Variants in DCC observed in about 807,000 individuals in gnomAD.
DCC encodes the protein netrin receptor DCC.
A neutral mutation model predicts 172.5 loss-of-function variants in DCC; 58 were observed. That is an observed-to-expected ratio of 0.34 (90% confidence interval 0.27 to 0.42). The LOEUF (loss-of-function observed/expected upper bound fraction) is 0.42, where lower values mean the gene tolerates loss of function less well. DCC is among the 10% of genes least tolerant of loss of function. The pLI, the probability that DCC is intolerant of heterozygous loss-of-function variation, is 1.00. For missense variants in DCC, 1,740 were observed against 1,791.0 expected (o/e 0.97, Z 0.51); for synonymous variants, 709 against 644.5 (o/e 1.10, Z -1.52).
chr18:52,754,090 G>T (rs2037039993), intron 2 of DCC: 1 of 152,110 alleles, frequency 6.6e-6, no homozygotes, highest in African/African-American at 2.4e-5. Context: ...GTCCTACTTA[G>T]TCTAGTCTCA....
intron 1 of DCC, among the ~76,000 whole-genome samples, chr18:52,363,596 T>C (rs1984714040): frequency 1.3e-5 from 2 of 152,166 alleles, no homozygotes; most frequent in Admixed American, 1.3e-4. Flanking sequence ...GAGCAGGGGA[T>C]GTTATAGCCC....
chr18:53,111,635 GA>G (rs955567271), intron 7 of DCC, among the ~76,000 whole-genome samples: 10 of 151,280 alleles, frequency 6.6e-5, no homozygotes, highest in Middle Eastern at 3.4e-3. Context: ...AAAAGAGGAA[GA>G]AAAAAAATTA....
At chr18:52,356,006 G>A (rs1984346330) in intron 1 of DCC, among the ~76,000 whole-genome samples, 1 of 152,112 alleles carries the variant, frequency 6.6e-6, no homozygotes, top group Admixed American at 6.5e-5. Flanking sequence ...AAGCTTCTTA[G>A]TCCAGGCACC....
At chr18:52,621,641 G>T (rs375936867) in intron 1 of DCC, among the ~76,000 whole-genome samples, 6 of 152,168 alleles carry the variant, frequency 3.9e-5, no homozygotes, top group African/African-American at 1.4e-4. Flanking sequence ...CTTAAAGGGA[G>T]AAAGGACACT....
At chr18:52,822,896 C>T (rs980431549) in intron 2 of DCC, among the ~76,000 whole-genome samples, 7 of 151,978 alleles carry the variant, frequency 4.6e-5, no homozygotes, top group Admixed American at 6.6e-5. Flanking sequence ...ACCATCTAGG[C>T]CATTACAGAA....
chr18:52,677,268 T>C (rs934240583), intron 1 of DCC, among the ~76,000 whole-genome samples: 1 of 152,190 alleles, frequency 6.6e-6, no homozygotes, highest in Non-Finnish European at 1.5e-5. Context: ...AATTCATTAA[T>C]GTTAAAACTA....
intron 5 of DCC, among the ~76,000 whole-genome samples, chr18:52,928,825 T>A (rs371981493): frequency 2.0e-5 from 3 of 152,262 alleles, no homozygotes; most frequent in African/African-American, 7.2e-5. Flanking sequence ...ATGGTTTGCA[T>A]CTGCATGGGA....
intron 1 of DCC, among the ~76,000 whole-genome samples, chr18:52,401,664 C>T (rs1986446473): frequency 6.6e-6 from 1 of 151,924 alleles, no homozygotes; most frequent in Non-Finnish European, 1.5e-5. Flanking sequence ...TAATTTGGCA[C>T]TCTAATTTTG....
chr18:53,189,920 C>A (rs2055340356), intron 9 of DCC, among the ~76,000 whole-genome samples: 1 of 152,080 alleles, frequency 6.6e-6, no homozygotes, highest in South Asian at 2.1e-4. Flanking sequence ...CAACAGGACT[C>A]TGATTTTTAT....
chr18:52,897,882 A>G (rs567276886), intron 2 of DCC, among the ~76,000 whole-genome samples: 114 of 152,218 alleles, frequency 7.5e-4, no homozygotes, highest in Middle Eastern at 3.2e-3. Flanking sequence ...GGGAAATGAT[A>G]GCTTGCAGAG....
intron 1 of DCC, among the ~76,000 whole-genome samples, chr18:52,634,787 T>G (rs1397604002): frequency 6.6e-6 from 1 of 152,150 alleles, no homozygotes; most frequent in Non-Finnish European, 1.5e-5. Flanking sequence ...TTTTCCCCCT[T>G]CTGTTTCTGT....
At chr18:52,954,154 C>T (rs1249691459) in intron 5 of DCC, among the ~76,000 whole-genome samples, 1 of 152,168 alleles carries the variant, frequency 6.6e-6, no homozygotes, top group African/African-American at 2.4e-5. Context: ...TGCTGGCATA[C>T]TCTCTTCATA....
chr18:53,189,741 G>C (rs2144508369), intron 9 of DCC, among the ~76,000 whole-genome samples: 1 of 152,250 alleles, frequency 6.6e-6, no homozygotes, highest in African/African-American at 2.4e-5. Context: ...ACTGCAAACT[G>C]CTTAGGTGGC....
At position 53,532,579 on chromosome 18, in the gene DCC, T is replaced by C. The variant is rs755184721; in HGVS notation, c.*1926T>C. The C allele has an allele frequency of 2.0e-5, 3 of 152,216 alleles. No individual in the cohort carries two copies. Among genetic ancestry groups the C allele is most frequent in the Non-Finnish European group, 4.4e-5 (3 of 68,040 alleles). 9.4% of individuals were successfully genotyped at this position (152,216 alleles called of 1,614,324 possible). A position where few individuals can be genotyped will look rare whatever the true frequency, so the allele number is the denominator to read the frequency against. On this transcript the variant is annotated 3_prime_UTR_variant, in exon 29 of 29. Coordinates refer to ENST00000442544, the MANE Select transcript of DCC (RefSeq NM_005215.4). ...GAATAAAGTGTTTCCTAACATAATA[T>C]TGAATTATTCAGAAATAATCCATTA...
At chr18:52,931,725 A>G (rs965618294) in intron 5 of DCC, 4 of 152,226 alleles carry the variant, frequency 2.6e-5, no homozygotes, top group Middle Eastern at 3.4e-3. Flanking sequence ...TAAATAAAAT[A>G]TAAATAAGTT....
chr18:52,892,452 C>A (rs2039664906), intron 2 of DCC: 1 of 152,102 alleles, frequency 6.6e-6, no homozygotes, highest in African/African-American at 2.4e-5. Context: ...AATGACCCCA[C>A]AACTGAAAGA....
chr18:52,649,200 C>T (rs972191442), intron 1 of DCC, among the ~76,000 whole-genome samples: 7 of 151,878 alleles, frequency 4.6e-5, no homozygotes, highest in Admixed American at 2.6e-4. Flanking sequence ...GGTAAAACCC[C>T]GTCTCTACTA....
intron 1 of DCC, among the ~76,000 whole-genome samples, chr18:52,474,474 A>G (rs1451612880): frequency 2.0e-5 from 3 of 152,184 alleles, no homozygotes; most frequent in African/African-American, 7.2e-5. Flanking sequence ...CAGAGGCATC[A>G]GTTGAAGGCT....
intron 5 of DCC, among the ~76,000 whole-genome samples, chr18:52,960,768 T>G (rs1319397401): frequency 1.3e-5 from 2 of 152,180 alleles, no homozygotes; most frequent in East Asian, 1.9e-4. Context: ...ATAAAACAAG[T>G]CAAATTCACT....
Sources: gnomAD v4.1 joint callset for allele counts (sites outside exome capture counted in the v4.1 genomes callset) on GRCh38, gnomAD v4.1.1 for gene constraint, MANE v1.5 for transcripts, NCBI Gene and HGNC (gene_info 2026-07-23, HGNC 2026-07-21) for gene names.